The following ATRNL1 variants were observed in gnomAD, a reference collection of about 807,000 sequenced individuals.
ATRNL1 encodes the protein attractin like 1.
A neutral mutation model predicts 182.7 loss-of-function variants in ATRNL1; 95 were observed. The ratio of observed to expected loss-of-function variants is 0.52; its 90% CI spans 0.44 to 0.62. ATRNL1 has a LOEUF of 0.62. Among genes scored for constraint, ATRNL1 ranks in the 20% least tolerant of loss-of-function variants. The probability of loss-of-function intolerance (pLI) is 0.00; values close to 1 mark genes in which losing one functional copy is unlikely to be tolerated. For synonymous variants in ATRNL1, 576 were observed against 568.3 expected (o/e 1.01, Z -0.19); for missense variants, 1,471 against 1,679.5 (o/e 0.88, Z 2.17).
intron 18 of ATRNL1, among the ~76,000 whole-genome samples, chr10:115,327,689 A>G (rs1395141569): frequency 6.6e-5 from 10 of 150,996 alleles, no homozygotes; most frequent in Admixed American, 6.6e-5. Context: ...ACCAACCCAA[A>G]TGTCCAACAA....
intron 28 of ATRNL1, among the ~76,000 whole-genome samples, chr10:115,915,411 A>AT (rs59444404): frequency 3.4e-4 from 50 of 149,070 alleles, no homozygotes; most frequent in African/African-American, 1.0e-3. Context: ...AAAAAAAAAA[A>AT]TTTTTTTTGA....
At chr10:115,856,561 C>T (rs781984866) in intron 28 of ATRNL1, among the ~76,000 whole-genome samples, 1 of 151,674 alleles carries the variant, frequency 6.6e-6, no homozygotes, top group Non-Finnish European at 1.5e-5. Context: ...GGACGGGTTT[C>T]GTGGAAGACA....
chr10:115,630,467 T>C (rs1009609530), intron 26 of ATRNL1, among the ~76,000 whole-genome samples: 1 of 151,596 alleles, frequency 6.6e-6, no homozygotes, highest in Non-Finnish European at 1.5e-5. Context: ...CCTCAAAAAA[T>C]TAGAAATAAA....
Position 115,281,379 on chromosome 10 carries a change from C to A in ATRNL1, c.2125C>A (p.His709Asn). 1 of 1,612,734 alleles carries A rather than the reference C, an allele frequency of 6.2e-7. No homozygotes were observed. The highest frequency in any genetic ancestry group is 1.1e-5 in the South Asian group (1 of 90,882). ...SMSVKNYTKC[H>N]VRNEQICNKL... The stretch of plus-strand genomic sequence containing the variant: ...GTCTGTCAAGAACTACACCAAATGT[C>A]ATGTGAGAAATGAGCAGATTTGTAA... The change falls in exon 14 of 29, where the codon CAT (histidine) becomes AAT (asparagine). Residue 709 changes from histidine to asparagine, a missense_variant. Transcript: ENST00000355044.
chr10:115,745,209 C>T (rs782587081), intron 27 of ATRNL1, among the ~76,000 whole-genome samples: 43 of 152,026 alleles, frequency 2.8e-4, no homozygotes, highest in South Asian at 2.1e-3. Context: ...CTGCAACCTC[C>T]GCCTCCCGGG....
At chr10:115,186,058 A>G (rs1847927192) in intron 8 of ATRNL1, among the ~76,000 whole-genome samples, 1 of 151,856 alleles carries the variant, frequency 6.6e-6, no homozygotes, top group Admixed American at 6.6e-5. Flanking sequence ...ATGAAGAGAC[A>G]TTTTATGGAA....
At chr10:115,774,448 A>C (rs1183442991) in intron 27 of ATRNL1, among the ~76,000 whole-genome samples, 2 of 148,570 alleles carry the variant, frequency 1.3e-5, no homozygotes, top group Non-Finnish European at 3.0e-5. Context: ...AAAAAAAAAA[A>C]AAAAAATTAG....
intron 27 of ATRNL1, among the ~76,000 whole-genome samples, chr10:115,795,843 G>A (rs1378618580): frequency 6.6e-6 from 1 of 152,078 alleles, no homozygotes; most frequent in East Asian, 1.9e-4. Flanking sequence ...CAACACTCGG[G>A]ATCACAATTC....
chr10:115,738,202 G>T (rs1381212831), intron 27 of ATRNL1, among the ~76,000 whole-genome samples: 1 of 128,052 alleles, frequency 7.8e-6, no homozygotes, highest in African/African-American at 3.0e-5. Flanking sequence ...GCACTGGCAC[G>T]ATCTCGGCTC....
intron 26 of ATRNL1, among the ~76,000 whole-genome samples, chr10:115,563,278 A>C (rs1412875212): frequency 6.6e-6 from 1 of 152,192 alleles, no homozygotes; most frequent in Non-Finnish European, 1.5e-5. Flanking sequence ...GACATGTTAA[A>C]AGTTGAGTTT....
chr10:115,745,208 C>T (rs2134106201), intron 27 of ATRNL1, among the ~76,000 whole-genome samples: 1 of 152,118 alleles, frequency 6.6e-6, no homozygotes, highest in Non-Finnish European at 1.5e-5. Flanking sequence ...ACTGCAACCT[C>T]CGCCTCCCGG....
At position 115,648,584 on chromosome 10, in the gene ATRNL1, G is replaced by A. The variant is rs140686378; in HGVS notation, c.3796-78664G>A. ...ACAAGGCTACAGTAACCAAAACAGC[G>A]TGGTACTGGTACCAAAACAGAGATA... On this transcript the variant is annotated intron_variant, in intron 26 of 28. Transcript: ENST00000355044. Among the ~76,000 whole-genome samples, 368 of 152,168 alleles carry A rather than the reference G, an allele frequency of 2.4e-3. 1 individual carries two copies. The highest frequency in any genetic ancestry group is 8.2e-3 in the African/African-American group (341 of 41,544).
chr10:115,187,040 T>G (rs1406496367), intron 8 of ATRNL1, among the ~76,000 whole-genome samples: 2 of 151,974 alleles, frequency 1.3e-5, no homozygotes, highest in Non-Finnish European at 2.9e-5. Context: ...ATCAGGGAAA[T>G]GCAAATTAAA....
chr10:115,634,943 TG>T (rs1326799203), intron 26 of ATRNL1, among the ~76,000 whole-genome samples: 1 of 151,898 alleles, frequency 6.6e-6, no homozygotes, highest in Non-Finnish European at 1.5e-5. Flanking sequence ...CTAGAGAGTT[TG>T]AAAAAAAATT....
At chr10:115,613,899 G>A (rs1470211657) in intron 26 of ATRNL1, among the ~76,000 whole-genome samples, 9 of 151,344 alleles carry the variant, frequency 5.9e-5, no homozygotes, top group African/African-American at 1.9e-4. Context: ...TTTTATTTGG[G>A]TCTCCACTGT....
chr10:115,301,073 C>G (rs1439413779), intron 16 of ATRNL1, among the ~76,000 whole-genome samples: 1 of 152,214 alleles, frequency 6.6e-6, no homozygotes, highest in East Asian at 1.9e-4. Flanking sequence ...ATGAGAATTT[C>G]CTTCCTTTTT....
intron 27 of ATRNL1, among the ~76,000 whole-genome samples, chr10:115,781,048 T>G (rs961015480): frequency 2.0e-5 from 3 of 152,186 alleles, no homozygotes; most frequent in Admixed American, 1.3e-4. Flanking sequence ...AGCAAAATAC[T>G]TGAGGAGACA....
intron 26 of ATRNL1, among the ~76,000 whole-genome samples, chr10:115,598,994 A>G (rs1555015112): frequency 6.6e-6 from 1 of 152,218 alleles, no homozygotes; most frequent in Non-Finnish European, 1.5e-5. Context: ...TTTTTTACCC[A>G]TGCAAGATTT....
At chr10:115,094,156 C>T in intron 1 of ATRNL1, 113 bp downstream of exon 1, 1 of 1,103,040 alleles carries the variant, frequency 9.1e-7, no homozygotes, top group Non-Finnish European at 1.2e-6. Context: ...ATCCCCCGGC[C>T]GTGAGTGAAC....
Sources: gnomAD v4.1 joint callset for allele counts (sites outside exome capture counted in the v4.1 genomes callset) on GRCh38, gnomAD v4.1.1 for gene constraint, MANE v1.5 for transcripts, NCBI Gene and HGNC (gene_info 2026-07-23, HGNC 2026-07-21) for gene names.